Variants in SLC4A5 observed in about 807,000 individuals in gnomAD.
SLC4A5 encodes solute carrier family 4 member 5.
In SLC4A5, 96 loss-of-function variants were observed where a neutral mutation model predicts 120.4. The ratio of observed to expected loss-of-function variants is 0.80; its 90% CI spans 0.68 to 0.94. SLC4A5 has a LOEUF of 0.94. Among genes scored for constraint, SLC4A5 ranks in the 40% least tolerant of loss-of-function variants. SLC4A5 has a pLI of 0.00. For missense variants in SLC4A5, 1,259 were observed against 1,459.5 expected (o/e 0.86, Z 2.24); for synonymous variants, 550 against 571.1 (o/e 0.96, Z 0.53).
At chr2:74,259,709 G>T in intron 11 of SLC4A5, 66 bp from the exon 12 acceptor site, 1 of 1,494,340 alleles carries the variant, frequency 6.7e-7, no homozygotes, top group Non-Finnish European at 9.3e-7. Flanking sequence ...TTTCCTATGG[G>T]CCCTACTCAT....
At chr2:74,224,850 C>T (rs761775516) in exon 28 of SLC4A5, 1 of 1,611,048 alleles carries the variant, frequency 6.2e-7, no homozygotes, top group Non-Finnish European at 8.5e-7. Flanking sequence ...CTCCTCATCA[C>T]AGTCCTCGTG....
chr2:74,288,250 C>A (rs1437090263), intron 7 of SLC4A5, among the ~76,000 whole-genome samples: 1 of 152,080 alleles, frequency 6.6e-6, no homozygotes, highest in Non-Finnish European at 1.5e-5. Context: ...ATGATGGTGC[C>A]TTCTTAGGTA....
At position 74,247,354 on chromosome 2, in the gene SLC4A5, G is replaced by T. The variant is rs765342111; in HGVS notation, c.1788-47C>A. The T allele has an allele frequency of 5.1e-6, 8 of 1,580,750 alleles. No homozygotes were observed. The East Asian group carries it at 1.8e-4, about 35-fold the overall frequency. The stretch of plus-strand genomic sequence containing the variant: ...AGGGGCCTCCAGCCCAGGGCTCCTG[G>T]CTGTGCTTGACTCCTCAGACTCATC... On this transcript the variant is annotated intron_variant, in intron 18 of 30. Coordinates refer to ENST00000394019, the Ensembl canonical transcript of SLC4A5.
chr2:74,275,585 C>T (rs1237672580), intron 8 of SLC4A5, among the ~76,000 whole-genome samples: 1 of 152,102 alleles, frequency 6.6e-6, no homozygotes, highest in Non-Finnish European at 1.5e-5. Flanking sequence ...TCAAAAGTCA[C>T]CTCTCCTTCC....
chr2:74,279,075 T>G (rs1442313266), intron 8 of SLC4A5, among the ~76,000 whole-genome samples: 1 of 152,142 alleles, frequency 6.6e-6, no homozygotes, highest in African/African-American at 2.4e-5. Flanking sequence ...TTTAAATGAC[T>G]CTCTTTTCCC....
chr2:74,267,787 G>A (rs1336847849), intron 8 of SLC4A5, among the ~76,000 whole-genome samples: 1 of 152,194 alleles, frequency 6.6e-6, no homozygotes, highest in Non-Finnish European at 1.5e-5. Flanking sequence ...CCTGTGCTCA[G>A]GAGTTTGAGA....
intron 6 of SLC4A5, among the ~76,000 whole-genome samples, chr2:74,308,175 G>A (rs1053124803): frequency 6.6e-6 from 1 of 152,214 alleles, no homozygotes; most frequent in Non-Finnish European, 1.5e-5. Flanking sequence ...AATGAATAGT[G>A]CAGCTCTAAA....
chr2:74,284,712 C>T lies in SLC4A5; in HGVS notation c.401+1061G>A, dbSNP rs536219924. 3.3e-5 allele frequency among the ~76,000 whole-genome samples: 5 copies of T among 152,180 alleles called. No homozygotes were observed. In the South Asian group the frequency reaches 1.0e-3, roughly 32 times the overall value. On this transcript the variant is annotated intron_variant, in intron 8 of 30. Transcript: ENST00000394019. ...TGAACAGTCCAGTTAAGTCCCAAGG[C>T]CCCTTTGTCACAGGCACTGGGGATA...
chr2:74,327,180 A>G (rs1343891842), intron 5 of SLC4A5, among the ~76,000 whole-genome samples: 3 of 152,220 alleles, frequency 2.0e-5, no homozygotes, highest in Non-Finnish European at 4.4e-5. Flanking sequence ...GTCTCTGGGA[A>G]AAAAGGTAAC....
Position 74,256,320 on chromosome 2 carries a change from A to C in SLC4A5, c.868-388T>G, listed in dbSNP as rs1388327437. On this transcript the variant is annotated intron_variant, in intron 12 of 30. Transcript: ENST00000394019. ...CAGTGCTTCTACCTCAGCCACCCAGACCTCCCCTCTCCACCTTCACTTTTG... is the reference window on the plus strand; with the variant it reads ...CAGTGCTTCTACCTCAGCCACCCAGCCCTCCCCTCTCCACCTTCACTTTTG... Among the ~76,000 whole-genome samples, 3 of 151,786 alleles carry C rather than the reference A, an allele frequency of 2.0e-5. No homozygotes were observed. The East Asian group carries it at 5.8e-4, about 29-fold the overall frequency.
chr2:74,304,468 T>C, intron 7 of SLC4A5, 21 bp downstream of exon 7: 2 of 1,590,270 alleles, frequency 1.3e-6, no homozygotes, highest in Non-Finnish European at 1.7e-6. Flanking sequence ...CTCCCCAGAA[T>C]GTACCCCTCA....
exon 26 of SLC4A5, chr2:74,227,861 C>T (rs775822092): frequency 6.2e-7 from 1 of 1,610,068 alleles, no homozygotes; most frequent in Non-Finnish European, 8.5e-7. Context: ...CTCCGTACAG[C>T]ACCGGCAGGG....
intron 22 of SLC4A5, among the ~76,000 whole-genome samples, chr2:74,234,339 C>T (rs532158006): frequency 5.9e-5 from 9 of 152,176 alleles, no homozygotes; most frequent in South Asian, 2.1e-4. Flanking sequence ...CCACCACGCC[C>T]GGCTAATTTT....
At chr2:74,254,579 C>G in intron 14 of SLC4A5, 40 bp downstream of exon 14, 1 of 1,496,824 alleles carries the variant, frequency 6.7e-7, no homozygotes, top group East Asian at 2.3e-5. Context: ...GGTGCAGGAG[C>G]TGTAAAATTC....
chr2:74,239,382 T>C, exon 21 of SLC4A5: 1 of 1,614,162 alleles, frequency 6.2e-7, no homozygotes, highest in Non-Finnish European at 8.5e-7. Context: ...AGGGTCAGGG[T>C]CATGGAGTAT....
At chr2:74,236,405 C>A in intron 21 of SLC4A5, among the ~76,000 whole-genome samples, 1 of 152,222 alleles carries the variant, frequency 6.6e-6, no homozygotes, top group East Asian at 1.9e-4. Context: ...TAATATCTCT[C>A]ATTCTCCATC....
In SLC4A5 at chr2:74,309,680, G is replaced by A. The variant is rs1434807421; in HGVS notation, c.80-5000C>T. ...AATTTTTTTTTTTTTTTTTGAGACAGAGTCTCACTCTGTCACCCAGGCTGA... is the reference window on the plus strand; with the variant it reads ...AATTTTTTTTTTTTTTTTTGAGACAAAGTCTCACTCTGTCACCCAGGCTGA... On this transcript the variant is annotated intron_variant, in intron 6 of 30. Coordinates refer to ENST00000394019, the Ensembl canonical transcript of SLC4A5. Among the ~76,000 whole-genome samples, 3 of 146,986 alleles carry A rather than the reference G, an allele frequency of 2.0e-5. No homozygotes were observed. The East Asian group carries it at 5.9e-4, about 29-fold the overall frequency.
chr2:74,234,563 G>A (rs1389288072), intron 22 of SLC4A5, among the ~76,000 whole-genome samples: 1 of 152,176 alleles, frequency 6.6e-6, no homozygotes, highest in African/African-American at 2.4e-5. Flanking sequence ...TCTAAGCAGT[G>A]GTTCTCAAAC....
At chr2:74,333,644 C>G (rs1001599587) in intron 4 of SLC4A5, among the ~76,000 whole-genome samples, 1 of 152,186 alleles carries the variant, frequency 6.6e-6, no homozygotes, top group East Asian at 1.9e-4. Context: ...TGAGCATCTT[C>G]AGATTATGAT....
Sources: gnomAD v4.1 joint callset for allele counts (sites outside exome capture counted in the v4.1 genomes callset) on GRCh38, gnomAD v4.1.1 for gene constraint, MANE v1.5 for transcripts, NCBI Gene and HGNC (gene_info 2026-07-23, HGNC 2026-07-21) for gene names.